The following PALLD variants were observed in gnomAD, a reference collection of about 807,000 sequenced individuals.
PALLD encodes palladin.
In PALLD, 61 loss-of-function variants were observed where a neutral mutation model predicts 123.5. The ratio of observed to expected loss-of-function variants is 0.49; its 90% CI spans 0.40 to 0.61. The LOEUF (loss-of-function observed/expected upper bound fraction) is 0.61, where lower values mean the gene tolerates loss of function less well. Among genes scored for constraint, PALLD ranks in the 20% least tolerant of loss-of-function variants. The pLI, the probability that PALLD is intolerant of heterozygous loss-of-function variation, is 0.00. For synonymous variants in PALLD, 465 were observed against 496.4 expected (o/e 0.94, Z 0.84); for missense variants, 1,273 against 1,377.0 (o/e 0.92, Z 1.20).
intron 10 of PALLD, among the ~76,000 whole-genome samples, chr4:168,841,040 G>A (rs1341569154): frequency 1.3e-5 from 2 of 151,982 alleles, no homozygotes; most frequent in African/African-American, 2.4e-5. Context: ...TAGTAGAGAT[G>A]GAGTTTTACC....
At chr4:168,766,020 G>A (rs1343733620) in intron 10 of PALLD, among the ~76,000 whole-genome samples, 1 of 152,230 alleles carries the variant, frequency 6.6e-6, no homozygotes, top group Non-Finnish European at 1.5e-5. Context: ...ACACCCATAT[G>A]GACTTAGTCC....
chr4:168,685,543 C>G lies in PALLD; in HGVS notation c.1319C>G (p.Pro440Arg). The G allele has an allele frequency of 3.1e-6, 5 of 1,611,264 alleles. No homozygotes were observed. The highest frequency in any genetic ancestry group is 4.2e-6 in the Non-Finnish European group (5 of 1,177,394). The change falls in exon 6 of 22, where the codon CCT (proline) becomes CGT (arginine). Residue 440 changes from proline (P) to arginine (R), a missense_variant. Pro to Arg is a moderately radical substitution (Grantham distance 103, BLOSUM62 -2). This residue lies in a region of PALLD where 944 missense variants were observed against 954.5 expected (regional missense o/e 0.99). Transcript: ENST00000505667. ...GATGGAACCACTACTGCCTACTTTCCTCCTGTTTTTACAAAGGTCTGACAT... is the reference window on the plus strand; with the variant it reads ...GATGGAACCACTACTGCCTACTTTCGTCCTGTTTTTACAAAGGTCTGACAT... ...RPDGTTTAYF[P>R]PVFTKELQNT... is the part of the protein sequence containing the mutation.
At chr4:168,781,264 C>A (rs1056377006) in intron 10 of PALLD, among the ~76,000 whole-genome samples, 13 of 152,190 alleles carry the variant, frequency 8.5e-5, no homozygotes, top group Non-Finnish European at 1.5e-4. Context: ...GACTGTTGAA[C>A]AGGATGATGT....
At chr4:168,856,472 TAA>T (rs1018388013) in intron 10 of PALLD, among the ~76,000 whole-genome samples, 2 of 152,238 alleles carry the variant, frequency 1.3e-5, no homozygotes, top group African/African-American at 4.8e-5. Flanking sequence ...CAACAATGTA[TAA>T]GCATTCCCTT....
At chr4:168,806,104 C>T (rs1740152545) in intron 10 of PALLD, among the ~76,000 whole-genome samples, 1 of 152,090 alleles carries the variant, frequency 6.6e-6, no homozygotes, top group African/African-American at 2.4e-5. Flanking sequence ...ACTCTGTCAC[C>T]CAGGCTGGAA....
At position 168,928,273 on chromosome 4, in the gene PALLD, T is replaced by C. The variant is rs953433821; in HGVS notation, c.*2093T>C. On this transcript the variant is annotated 3_prime_UTR_variant, in exon 22 of 22. Coordinates refer to ENST00000505667, the MANE Select transcript of PALLD (RefSeq NM_001166108.2). ...CTGAATGTGACCTTTTTTTGCTGAT[T>C]TGCTGGGTTTGGGATTAACTAGCAT... 2 of 182,598 alleles carry C rather than the reference T, an allele frequency of 1.1e-5. No homozygotes were observed. Among genetic ancestry groups the C allele is most frequent in the African/African-American group, 4.7e-5 (2 of 42,522 alleles). The allele number at this position is 182,598 out of a possible 1,614,324, so 11.3% of individuals were successfully genotyped here. A position where few individuals can be genotyped will look rare whatever the true frequency, so the allele number is the denominator to read the frequency against.
At chr4:168,557,243 C>A (rs1767412229) in intron 2 of PALLD, among the ~76,000 whole-genome samples, 1 of 152,044 alleles carries the variant, frequency 6.6e-6, no homozygotes, top group African/African-American at 2.4e-5. Flanking sequence ...GGGGTTTCAC[C>A]ATGTTGGCCA....
intron 10 of PALLD, among the ~76,000 whole-genome samples, chr4:168,810,432 A>G (rs1740902477): frequency 6.6e-6 from 1 of 152,146 alleles, no homozygotes; most frequent in Non-Finnish European, 1.5e-5. Flanking sequence ...AGGCTGGTGG[A>G]TCACCTGAGG....
intron 8 of PALLD, among the ~76,000 whole-genome samples, chr4:168,705,886 G>T (rs950374711): frequency 1.3e-5 from 2 of 152,014 alleles, no homozygotes; most frequent in Non-Finnish European, 2.9e-5. Flanking sequence ...CAAGTGATCC[G>T]CCTGCCTCGG....
intron 10 of PALLD, among the ~76,000 whole-genome samples, chr4:168,769,671 C>G (rs1354887989): frequency 6.6e-6 from 1 of 152,144 alleles, no homozygotes; most frequent in Admixed American, 6.5e-5. Flanking sequence ...AATGCTAACC[C>G]TGCAAAACTT....
rs1271305264 is a variant in PALLD, at chr4:168,761,658, T to G, written c.1964+49735T>G. ...TTGTTGTTGTTTGTTTTTTTTTTTTTTTTTTTTTTTTTTTTTTTGTAGTTT... is the reference window on the plus strand; with the variant it reads ...TTGTTGTTGTTTGTTTTTTTTTTTTGTTTTTTTTTTTTTTTTTTGTAGTTT... On this transcript the variant is annotated intron_variant, in intron 10 of 21. Coordinates refer to ENST00000505667, the MANE Select transcript of PALLD (RefSeq NM_001166108.2). 4.6e-5 allele frequency among the ~76,000 whole-genome samples: 2 copies of G among 43,110 alleles called. 1 individual carries two copies. Among genetic ancestry groups the G allele is most frequent in the East Asian group, 1.0e-3 (2 of 1,960 alleles). 28.3% of individuals were successfully genotyped at this position (43,110 alleles called of 152,430 possible). A position where few individuals can be genotyped will look rare whatever the true frequency, so the allele number is the denominator to read the frequency against.
Position 168,670,459 on chromosome 4 carries a change from C to T in PALLD, c.1087+2091C>T, listed in dbSNP as rs184153453. On this transcript the variant is annotated intron_variant, in intron 3 of 21. Transcript: ENST00000505667. ...TAAAAAAAGCCGGGCGCGGGCCGGGCGCGGTGGCTCACGCCTGTAATCCCA... is the reference window on the plus strand; with the variant it reads ...TAAAAAAAGCCGGGCGCGGGCCGGGTGCGGTGGCTCACGCCTGTAATCCCA... Among the ~76,000 whole-genome samples the T allele has an allele frequency of 4.7e-3, 708 of 151,820 alleles. 10 individuals carry two copies. The highest frequency in any genetic ancestry group is 0.016 in the African/African-American group (664 of 41,290).
At chr4:168,580,347 C>T (rs1410923539) in intron 2 of PALLD, among the ~76,000 whole-genome samples, 2 of 151,762 alleles carry the variant, frequency 1.3e-5, no homozygotes, top group Non-Finnish European at 2.9e-5. Flanking sequence ...AGAAGACATA[C>T]ATGTGGCCAC....
chr4:168,720,321 CAG>C (rs1311608997), intron 10 of PALLD, among the ~76,000 whole-genome samples: 2 of 152,172 alleles, frequency 1.3e-5, no homozygotes, highest in Admixed American at 1.3e-4. Context: ...ATACATCATT[CAG>C]TTTTTGATTC....
intron 3 of PALLD, 72 bp downstream of exon 3, chr4:168,668,440 G>T: frequency 7.9e-7 from 1 of 1,265,290 alleles, no homozygotes; most frequent in South Asian, 1.6e-5. Flanking sequence ...TCTTGGGCAT[G>T]CAAATGTGCC....
Position 168,903,766 on chromosome 4 carries a change from T to C in PALLD, c.2482T>C (p.Phe828Leu), listed in dbSNP as rs1160463247. 3.7e-6 allele frequency: 6 copies of C among 1,611,546 alleles called. No individual in the cohort carries two copies. The African/African-American group carries it at 6.7e-5, about 18-fold the overall frequency. Residue 828 changes from phenylalanine to leucine, a missense_variant, in exon 15 of 22, where the codon TTT becomes CTT. Physicochemically the swap from Phe to Leu is conservative, Grantham distance 22. Coordinates refer to ENST00000505667, the MANE Select transcript of PALLD (RefSeq NM_001166108.2). ...TTGTTTCTATTCACAGATCTATTGG[T>C]TTAAAGATGGGAAGCAGATCTCTCC... is the stretch of plus-strand genomic sequence containing the variant. ...AGNPKPKIYW[F>L]KDGKQISPKS... is the part of the protein sequence containing the mutation.
intron 2 of PALLD, among the ~76,000 whole-genome samples, chr4:168,527,330 G>A (rs939007052): frequency 6.8e-6 from 1 of 147,168 alleles, no homozygotes; most frequent in African/African-American, 2.5e-5. Context: ...GCTGAGGCAG[G>A]AGAATCGCTT....
chr4:168,851,712 G>A (rs1747821660), intron 10 of PALLD, among the ~76,000 whole-genome samples: 1 of 152,106 alleles, frequency 6.6e-6, no homozygotes, highest in Non-Finnish European at 1.5e-5. Flanking sequence ...ACTTTAATAA[G>A]TAATTTATTA....
At chr4:168,878,250 C>T in intron 10 of PALLD, 1 of 1,523,084 alleles carries the variant, frequency 6.6e-7, no homozygotes, top group Non-Finnish European at 8.8e-7. Context: ...CTCCCGAGCC[C>T]GGGACAGGCG....
Sources: allele counts gnomAD v4.1 joint callset (sites outside exome capture counted in the v4.1 genomes callset), GRCh38; gene constraint gnomAD v4.1.1; regional missense constraint gnomAD v4.1.1; transcripts MANE v1.5; gene names NCBI Gene and HGNC (gene_info 2026-07-23, HGNC 2026-07-21).